PLCB1: variants seen among roughly 807,000 people sequenced by gnomAD.
PLCB1 encodes the protein 1-phosphatidylinositol 4,5-bisphosphate phosphodiesterase beta-1.
PLCB1 carries 46 observed loss-of-function variants against 161.8 expected under a neutral mutation model. The ratio of observed to expected loss-of-function variants is 0.28; its 90% CI spans 0.22 to 0.36. The LOEUF (loss-of-function observed/expected upper bound fraction) is 0.36, where lower values mean the gene tolerates loss of function less well. PLCB1 is among the 10% of genes least tolerant of loss of function. PLCB1 has a pLI of 1.00. For missense variants in PLCB1, 1,016 were observed against 1,472.5 expected (o/e 0.69, Z 5.07); for synonymous variants, 517 against 503.7 (o/e 1.03, Z -0.35).
intron 3 of PLCB1, among the ~76,000 whole-genome samples, chr20:8,425,490 C>G (rs1020372582): frequency 6.6e-6 from 1 of 152,006 alleles, no homozygotes; most frequent in Non-Finnish European, 1.5e-5. Flanking sequence ...TGTGGATTCA[C>G]CAGGTCTAGG....
intron 31 of PLCB1, among the ~76,000 whole-genome samples, chr20:8,803,583 A>G (rs963199633): frequency 3.9e-5 from 6 of 152,104 alleles, no homozygotes; most frequent in African/African-American, 1.4e-4. Context: ...AATGAAGGCC[A>G]TATTGGAAGG....
chr20:8,181,686 T>C (rs2051845043), intron 2 of PLCB1, among the ~76,000 whole-genome samples: 1 of 152,118 alleles, frequency 6.6e-6, no homozygotes, highest in African/African-American at 2.4e-5. Flanking sequence ...TATTAATAGC[T>C]ACCACTGGCT....
At chr20:8,163,069 T>C (rs995448565) in intron 2 of PLCB1, among the ~76,000 whole-genome samples, 4 of 152,224 alleles carry the variant, frequency 2.6e-5, no homozygotes, top group Non-Finnish European at 5.9e-5. Context: ...TTCCAACAGT[T>C]GACTGCAAGG....
chr20:8,372,645 T>G (rs1986941642), intron 3 of PLCB1, among the ~76,000 whole-genome samples: 1 of 152,196 alleles, frequency 6.6e-6, no homozygotes, highest in African/African-American at 2.4e-5. Context: ...AGCCTCTCAG[T>G]TTTGTATCAG....
At chr20:8,776,579 A>G (rs1168223938) in intron 27 of PLCB1, among the ~76,000 whole-genome samples, 2 of 152,206 alleles carry the variant, frequency 1.3e-5, no homozygotes, top group Non-Finnish European at 2.9e-5. Flanking sequence ...TGGTTTTTGT[A>G]TATTCATAGA....
At chr20:8,180,042 T>A (rs1441295260) in intron 2 of PLCB1, among the ~76,000 whole-genome samples, 1 of 151,626 alleles carries the variant, frequency 6.6e-6, no homozygotes, top group Non-Finnish European at 1.5e-5. Context: ...GTATTTTTAG[T>A]GGAGATGGGG....
chr20:8,487,493 G>T (rs1982778222), intron 3 of PLCB1, among the ~76,000 whole-genome samples: 1 of 152,156 alleles, frequency 6.6e-6, no homozygotes, highest in Non-Finnish European at 1.5e-5. Context: ...ATCATCTGTG[G>T]TGATTGCTCA....
At chr20:8,197,852 G>T (rs561626536) in intron 2 of PLCB1, among the ~76,000 whole-genome samples, 16 of 152,190 alleles carry the variant, frequency 1.1e-4, no homozygotes, top group African/African-American at 3.9e-4. Context: ...TGTAAGGAAG[G>T]GATCCAGTTT....
intron 2 of PLCB1, among the ~76,000 whole-genome samples, chr20:8,160,523 G>T (rs577961886): frequency 6.6e-6 from 1 of 152,186 alleles, no homozygotes; most frequent in African/African-American, 2.4e-5. Context: ...TGAGAGGCAC[G>T]TCTCACATGG....
chr20:8,356,271 A>G (rs543130035), intron 2 of PLCB1, among the ~76,000 whole-genome samples: 1 of 152,318 alleles, frequency 6.6e-6, no homozygotes, highest in African/African-American at 2.4e-5. Context: ...AGTCTCTAAG[A>G]GTGCGTCTCA....
At chr20:8,389,582 A>T (rs1056702032) in intron 3 of PLCB1, among the ~76,000 whole-genome samples, 1 of 152,214 alleles carries the variant, frequency 6.6e-6, no homozygotes, top group African/African-American at 2.4e-5. Context: ...TGTAATTTCA[A>T]CGTAAATCCA....
chr20:8,736,689 AG>A (rs1829978169), intron 19 of PLCB1, among the ~76,000 whole-genome samples: 2 of 152,220 alleles, frequency 1.3e-5, no homozygotes, highest in Admixed American at 6.5e-5. Context: ...AGAGAGAGTG[AG>A]GGGGGAACTG....
intron 2 of PLCB1, 83 bp downstream of exon 2, chr20:8,150,454 A>G (rs2051498619): frequency 1.8e-6 from 1 of 568,944 alleles, no homozygotes; most frequent in Non-Finnish European, 3.1e-6. Flanking sequence ...CTATAGAAGA[A>G]CATCCATTTC....
chr20:8,138,379 C>T (rs1054760735), intron 1 of PLCB1, among the ~76,000 whole-genome samples: 7 of 152,292 alleles, frequency 4.6e-5, no homozygotes, highest in East Asian at 1.9e-4. Context: ...GAACAAGAAT[C>T]GCCAGCAGAA....
At chr20:8,321,575 A>G (rs1231710658) in intron 2 of PLCB1, among the ~76,000 whole-genome samples, 1 of 152,180 alleles carries the variant, frequency 6.6e-6, no homozygotes, top group Non-Finnish European at 1.5e-5. Context: ...CAAGCCAAAG[A>G]GATCAGAAAT....
At chr20:8,802,555 T>C (rs930153371) in intron 31 of PLCB1, 15 of 183,446 alleles carry the variant, frequency 8.2e-5, no homozygotes, top group Non-Finnish European at 1.4e-4. Context: ...CTCACTACAC[T>C]GTTTTCCCGT....
At chr20:8,355,050 C>G (rs902887313) in intron 2 of PLCB1, among the ~76,000 whole-genome samples, 1 of 152,132 alleles carries the variant, frequency 6.6e-6, no homozygotes, top group Non-Finnish European at 1.5e-5. Flanking sequence ...AAATGGAACC[C>G]TAGTTGTACA....
chr20:8,174,671 G>T (rs2051764794), intron 2 of PLCB1, among the ~76,000 whole-genome samples: 1 of 152,128 alleles, frequency 6.6e-6, no homozygotes, highest in African/African-American at 2.4e-5. Context: ...TCAGTAAAGG[G>T]ACCTAAATGA....
At chr20:8,317,414 A>AG (rs1171506594) in intron 2 of PLCB1, among the ~76,000 whole-genome samples, 1 of 152,056 alleles carries the variant, frequency 6.6e-6, no homozygotes, top group Non-Finnish European at 1.5e-5. Context: ...CCATGGTAGG[A>AG]GGGGCTGTGC....
Sources: gnomAD v4.1 joint callset for allele counts (sites outside exome capture counted in the v4.1 genomes callset) on GRCh38, gnomAD v4.1.1 for gene constraint, MANE v1.5 for transcripts, NCBI Gene and HGNC (gene_info 2026-07-23, HGNC 2026-07-21) for gene names.